Variants in CNRIP1 observed in about 807,000 individuals in gnomAD.
CNRIP1 encodes the protein CB1 cannabinoid receptor-interacting protein 1.
In CNRIP1, 10 loss-of-function variants were observed where a neutral mutation model predicts 15.2. The observed-to-expected ratio is 0.66, with a 90% CI of 0.41 to 1.12. The LOEUF (loss-of-function observed/expected upper bound fraction) is 1.12. CNRIP1 is among the 50% of genes most tolerant of loss of function. The pLI, the probability that CNRIP1 is intolerant of heterozygous loss-of-function variation, is 0.00. For missense variants in CNRIP1, 211 were observed against 214.7 expected (o/e 0.98, Z 0.11); for synonymous variants, 91 against 83.2 (o/e 1.09, Z -0.51).
chr2:68,318,453 C>T (rs1290857077), intron 1 of CNRIP1, among the ~76,000 whole-genome samples: 1 of 152,180 alleles, frequency 6.6e-6, no homozygotes, highest in Non-Finnish European at 1.5e-5. Context: ...CACTTTCCCG[C>T]CAGAGGTCTA....
chr2:68,289,241 C>T (rs1376805556), downstream of CNRIP1, among the ~76,000 whole-genome samples: 1 of 152,108 alleles, frequency 6.6e-6, no homozygotes, highest in East Asian at 1.9e-4. Context: ...ATATAGGAAA[C>T]TTAAGATGGC....
chr2:68,308,176 G>A (rs1210801637), intron 2 of CNRIP1, among the ~76,000 whole-genome samples: 1 of 151,988 alleles, frequency 6.6e-6, no homozygotes, highest in Non-Finnish European at 1.5e-5. Flanking sequence ...CTGGGTTACA[G>A]AGTGAGATTC....
chr2:68,311,496 G>A (rs183617238), intron 2 of CNRIP1, among the ~76,000 whole-genome samples: 204 of 152,118 alleles, frequency 1.3e-3, no homozygotes, highest in African/African-American at 4.8e-3. Flanking sequence ...AGAGTAGGTC[G>A]GGCGCGGCAG....
chr2:68,302,068 G>C (rs2103644494), intron 2 of CNRIP1, among the ~76,000 whole-genome samples: 1 of 152,084 alleles, frequency 6.6e-6, no homozygotes, highest in South Asian at 2.1e-4. Flanking sequence ...CATGAAAGTT[G>C]ACATTGTATT....
At chr2:68,304,401 C>CAAA (rs34952922) in intron 2 of CNRIP1, among the ~76,000 whole-genome samples, 338 of 148,314 alleles carry the variant, frequency 2.3e-3, no homozygotes, top group South Asian at 0.011. Context: ...GACTCCATCT[C>CAAA]AAAAAAAAAA....
chr2:68,311,662 C>T (rs1199864627), intron 2 of CNRIP1, among the ~76,000 whole-genome samples: 2 of 150,860 alleles, frequency 1.3e-5, no homozygotes, highest in African/African-American at 2.4e-5. Context: ...GTAATCCCAG[C>T]TACTTGGGAG....
chr2:68,303,930 T>C (rs1451962411), intron 2 of CNRIP1, among the ~76,000 whole-genome samples: 1 of 151,458 alleles, frequency 6.6e-6, no homozygotes, highest in Non-Finnish European at 1.5e-5. Context: ...TACAAAAAAT[T>C]AGCTGGGTAT....
intron 2 of CNRIP1, among the ~76,000 whole-genome samples, chr2:68,302,416 G>A (rs577387066): frequency 6.6e-6 from 1 of 152,100 alleles, no homozygotes; most frequent in Non-Finnish European, 1.5e-5. Context: ...ATGATGATTC[G>A]TGCAGACAGA....
downstream of CNRIP1, among the ~76,000 whole-genome samples, chr2:68,288,580 C>T (rs919783811): frequency 6.6e-6 from 1 of 152,156 alleles, no homozygotes; most frequent in Non-Finnish European, 1.5e-5. Flanking sequence ...TTAGTCTTAC[C>T]TAGTGCTCTA....
At position 68,317,140 on chromosome 2, in the gene CNRIP1, C is replaced by T; in HGVS notation, c.330+17G>A. On this transcript the variant is annotated intron_variant, in intron 2 of 2. Coordinates refer to ENST00000263655, the MANE Select transcript of CNRIP1 (RefSeq NM_015463.3). ...TTTCCATGGCACCATACTCCTATACCCGCAAGCAAGCCTTACCGGCATGGT... is the reference window on the plus strand; with the variant it reads ...TTTCCATGGCACCATACTCCTATACTCGCAAGCAAGCCTTACCGGCATGGT... 2 of 1,614,168 alleles carry T rather than the reference C, an allele frequency of 1.2e-6. No individual in the cohort carries two copies.
chr2:68,316,734 C>T (rs763705197), intron 2 of CNRIP1: 1 of 297,714 alleles, frequency 3.4e-6, no homozygotes, highest in Non-Finnish European at 6.3e-6. Context: ...TGTATTTTTC[C>T]CATGACACTT....
downstream of CNRIP1, among the ~76,000 whole-genome samples, chr2:68,291,449 C>G (rs1026265950): frequency 6.6e-6 from 1 of 152,150 alleles, no homozygotes; most frequent in African/African-American, 2.4e-5. Flanking sequence ...CTCCCACGCT[C>G]CAGGTGCTCT....
chr2:68,298,644 T>A (rs556568705), intron 2 of CNRIP1, among the ~76,000 whole-genome samples: 1 of 152,358 alleles, frequency 6.6e-6, no homozygotes, highest in South Asian at 2.1e-4. Flanking sequence ...ATTTGGTTTA[T>A]TAATGTGGGA....
chr2:68,314,827 A>G (rs1387753653), intron 2 of CNRIP1, among the ~76,000 whole-genome samples: 1 of 152,074 alleles, frequency 6.6e-6, no homozygotes, highest in Admixed American at 6.5e-5. Context: ...GTATTAGGAC[A>G]CTGTGGGCAA....
chr2:68,309,419 C>T (rs1302485647), intron 2 of CNRIP1, among the ~76,000 whole-genome samples: 3 of 152,188 alleles, frequency 2.0e-5, no homozygotes, highest in Admixed American at 2.0e-4. Flanking sequence ...TTCTGTCAGA[C>T]TTTCAAGTAA....
At chr2:68,287,901 C>T (rs1013363225) in intron 2 of CNRIP1, among the ~76,000 whole-genome samples, 12 of 152,212 alleles carry the variant, frequency 7.9e-5, no homozygotes, top group Non-Finnish European at 1.8e-4. Context: ...ATAATACGAA[C>T]GTGACAAGGC....
chr2:68,313,594 T>G (rs1055900330), intron 2 of CNRIP1, among the ~76,000 whole-genome samples: 2 of 152,156 alleles, frequency 1.3e-5, no homozygotes, highest in African/African-American at 4.8e-5. Context: ...ATGAAATTCT[T>G]ACATAGTTAA....
At chr2:68,286,134 C>CCACAA (rs1263227342) in intron 2 of CNRIP1, among the ~76,000 whole-genome samples, 31 of 152,300 alleles carry the variant, frequency 2.0e-4, no homozygotes, top group Admixed American at 3.9e-4. Flanking sequence ...AATAAACTCT[C>CCACAA]TGAGTGGAAG....
At chr2:68,305,670 C>A (rs1429368737) in intron 2 of CNRIP1, among the ~76,000 whole-genome samples, 1 of 151,636 alleles carries the variant, frequency 6.6e-6, no homozygotes. Context: ...GTGGCGAGCA[C>A]CTGTAGTCCC....
Sources: gnomAD v4.1 joint callset for allele counts (sites outside exome capture counted in the v4.1 genomes callset) on GRCh38, gnomAD v4.1.1 for gene constraint, MANE v1.5 for transcripts, NCBI Gene and HGNC (gene_info 2026-07-23, HGNC 2026-07-21) for gene names.